CMTM8: variants seen among roughly 807,000 people sequenced by gnomAD.
CMTM8 encodes the protein CKLF-like MARVEL transmembrane domain-containing protein 8.
CMTM8 carries 12 observed loss-of-function variants against 18.6 expected under a neutral mutation model. The ratio of observed to expected loss-of-function variants is 0.65; its 90% confidence interval spans 0.41 to 1.05. CMTM8 has a LOEUF of 1.05. Ranked by LOEUF, CMTM8 falls within the 50% of genes least tolerant of loss-of-function variation. CMTM8 has a pLI of 0.00. For missense variants in CMTM8, 217 were observed against 227.2 expected (o/e 0.95, Z 0.29); for synonymous variants, 87 against 90.6 (o/e 0.96, Z 0.23).
At chr3:32,253,822 C>T (rs1414978691) in intron 1 of CMTM8, among the ~76,000 whole-genome samples, 1 of 152,212 alleles carries the variant, frequency 6.6e-6, no homozygotes, top group African/African-American at 2.4e-5. Flanking sequence ...AGACAATCCT[C>T]CCACCTCAGC....
chr3:32,252,440 A>T (rs1372273126), intron 1 of CMTM8, among the ~76,000 whole-genome samples: 1 of 152,154 alleles, frequency 6.6e-6, no homozygotes, highest in Non-Finnish European at 1.5e-5. Context: ...TTGTGATTTC[A>T]TTATATTTAT....
At chr3:32,310,096 A>T (rs549803325) in intron 1 of CMTM8, among the ~76,000 whole-genome samples, 1 of 152,210 alleles carries the variant, frequency 6.6e-6, no homozygotes, top group African/African-American at 2.4e-5. Context: ...ATCCATTCTG[A>T]TTTTTACTGT....
At chr3:32,351,722 A>AAAAAAT (rs894876375) in intron 1 of CMTM8, among the ~76,000 whole-genome samples, 1 of 151,818 alleles carries the variant, frequency 6.6e-6, no homozygotes, top group African/African-American at 2.4e-5. Context: ...AAAAAAAAAA[A>AAAAAAT]ATATGTAAAA....
chr3:32,350,217 G>C (rs1156788652), intron 1 of CMTM8, among the ~76,000 whole-genome samples: 1 of 152,050 alleles, frequency 6.6e-6, no homozygotes, highest in Non-Finnish European at 1.5e-5. Flanking sequence ...CCCAACCTTT[G>C]CTTCCTGTCC....
intron 1 of CMTM8, among the ~76,000 whole-genome samples, chr3:32,346,855 CTG>C (rs1696604906): frequency 6.8e-6 from 1 of 147,308 alleles, no homozygotes; most frequent in Admixed American, 6.9e-5. Context: ...GGGTCTCACT[CTG>C]TCATCCAAGC....
At chr3:32,259,523 C>A (rs532411446) in intron 1 of CMTM8, 3 of 785,846 alleles carry the variant, frequency 3.8e-6, no homozygotes, top group Non-Finnish European at 6.9e-6. Flanking sequence ...CAATGTCACT[C>A]GGCTGCAGCT....
intron 1 of CMTM8, among the ~76,000 whole-genome samples, chr3:32,240,317 A>G (rs894061336): frequency 6.6e-6 from 1 of 152,228 alleles, no homozygotes; most frequent in Admixed American, 6.5e-5. Flanking sequence ...CTCCTCTCCC[A>G]GCTGGTTCCC....
intron 1 of CMTM8, among the ~76,000 whole-genome samples, chr3:32,272,843 CA>C (rs1431942199): frequency 6.6e-6 from 1 of 152,138 alleles, no homozygotes; most frequent in Admixed American, 6.5e-5. Flanking sequence ...TTTAAGATCC[CA>C]GCTTTACATG....
At chr3:32,244,222 G>C (rs1462985260) in intron 1 of CMTM8, among the ~76,000 whole-genome samples, 1 of 152,168 alleles carries the variant, frequency 6.6e-6, no homozygotes, top group Non-Finnish European at 1.5e-5. Flanking sequence ...GAGTCTCACT[G>C]TGTCACCCAG....
intron 1 of CMTM8, among the ~76,000 whole-genome samples, chr3:32,341,475 G>A (rs1696492085): frequency 6.6e-6 from 1 of 152,102 alleles, no homozygotes. Flanking sequence ...AGAGTATATT[G>A]TCTTATGTGG....
intron 1 of CMTM8, among the ~76,000 whole-genome samples, chr3:32,278,014 T>C (rs1020953286): frequency 6.6e-6 from 1 of 152,232 alleles, no homozygotes; most frequent in African/African-American, 2.4e-5. Context: ...GCAGACATGA[T>C]AGCTCCGTGG....
chr3:32,359,327 G>A (rs1696876259), intron 2 of CMTM8, among the ~76,000 whole-genome samples: 1 of 152,154 alleles, frequency 6.6e-6, no homozygotes, highest in African/African-American at 2.4e-5. Flanking sequence ...GTGGTGGCCG[G>A]GCATGGTGGC....
chr3:32,327,932 T>G (rs1023794277), intron 1 of CMTM8, among the ~76,000 whole-genome samples: 1 of 152,246 alleles, frequency 6.6e-6, no homozygotes, highest in Non-Finnish European at 1.5e-5. Flanking sequence ...AATACTTGGC[T>G]GGGTGCAATG....
intron 1 of CMTM8, among the ~76,000 whole-genome samples, chr3:32,295,482 A>AAAAAAAAAAAAG (rs1702862309): frequency 8.5e-6 from 1 of 117,512 alleles, no homozygotes; most frequent in Non-Finnish European, 1.6e-5. Context: ...AAAAAAACAA[A>AAAAAAAAAAAAG]ACAAAACAGC....
At chr3:32,348,542 T>TTTTTTTTTTG (rs1696646053) in intron 1 of CMTM8, among the ~76,000 whole-genome samples, 1 of 149,982 alleles carries the variant, frequency 6.7e-6, no homozygotes, top group Non-Finnish European at 1.5e-5. Context: ...TTTTTTTTTT[T>TTTTTTTTTTG]GGAGACAAGA....
chr3:32,238,946 A>G lies in CMTM8; in HGVS notation c.-27A>G. 6.5e-7 allele frequency: 1 copy of G among 1,539,870 alleles called. No individual in the cohort carries two copies. The highest frequency in any genetic ancestry group is 8.8e-7 in the Non-Finnish European group (1 of 1,141,894). On this transcript the variant is annotated 5_prime_UTR_variant, in exon 1 of 4. Transcript: ENST00000307526. The stretch of plus-strand genomic sequence containing the variant: ...CCCAGACCCGCCGGGGTCCCTGGGG[A>G]CGCGCCAGCCCGGCAGTGGCTCGAC...
intron 1 of CMTM8, among the ~76,000 whole-genome samples, chr3:32,347,224 G>T (rs1340036692): frequency 4.7e-5 from 7 of 150,260 alleles, no homozygotes; most frequent in Non-Finnish European, 7.4e-5. Context: ...GATTTCTTTT[G>T]ATTTTTACTA....
intron 1 of CMTM8, among the ~76,000 whole-genome samples, chr3:32,314,270 A>G (rs1197316104): frequency 6.6e-6 from 1 of 152,136 alleles, no homozygotes; most frequent in African/African-American, 2.4e-5. Context: ...CATGAGAGCA[A>G]TGTTGGGTGT....
rs573891935 is a variant in CMTM8, at chr3:32,263,043, A to G, written c.147+23924A>G. On this transcript the variant is annotated intron_variant, in intron 1 of 3. Transcript: ENST00000307526. ...GGAACAGCTCCAATCTACAGCTCCC[A>G]GTGTGAACGATGCAGAAGACAGATG... is the stretch of plus-strand genomic sequence containing the variant. 2.0e-5 allele frequency among the ~76,000 whole-genome samples: 3 copies of G among 151,660 alleles called. No homozygotes were observed. The South Asian group carries it at 6.2e-4, about 31-fold the overall frequency.
Sources: allele counts gnomAD v4.1 joint callset (sites outside exome capture counted in the v4.1 genomes callset), GRCh38; gene constraint gnomAD v4.1.1; transcripts MANE v1.5; gene names NCBI Gene and HGNC (gene_info 2026-07-23, HGNC 2026-07-21).